CADPS: variants seen among roughly 807,000 people sequenced by gnomAD.
CADPS encodes the protein calcium-dependent secretion activator 1.
CADPS carries 57 observed loss-of-function variants against 167.3 expected under a neutral mutation model. The observed-to-expected ratio is 0.34, with a 90% CI of 0.28 to 0.42. The LOEUF (loss-of-function observed/expected upper bound fraction) is 0.42. CADPS is among the 20% of genes least tolerant of loss of function. The pLI is 1.00. For synonymous variants in CADPS, 676 were observed against 635.3 expected, an observed-to-expected ratio of 1.06 and a Z score of -0.96; for missense variants, 1,414 against 1,738.1, an observed-to-expected ratio of 0.81 and a Z score of 3.32.
intron 3 of CADPS, among the ~76,000 whole-genome samples, chr3:62,736,613 T>A (rs1277265677): frequency 1.3e-5 from 2 of 152,212 alleles, no homozygotes; most frequent in African/African-American, 4.8e-5. Flanking sequence ...AGGAAAGTGT[T>A]GAGTCATTAT....
intron 28 of CADPS, among the ~76,000 whole-genome samples, chr3:62,429,730 T>C (rs747373659): frequency 2.0e-5 from 3 of 152,028 alleles, no homozygotes; most frequent in Non-Finnish European, 4.4e-5. Flanking sequence ...ACCCCTGTTC[T>C]AAGACACAGA....
intron 1 of CADPS, among the ~76,000 whole-genome samples, chr3:62,792,570 G>C (rs535121601): frequency 2.0e-5 from 3 of 151,692 alleles, no homozygotes; most frequent in African/African-American, 7.3e-5. Context: ...ATGAAAGCTC[G>C]CATTATAATT....
At chr3:62,709,043 A>C (rs2082872425) in intron 3 of CADPS, among the ~76,000 whole-genome samples, 1 of 150,026 alleles carries the variant, frequency 6.7e-6, no homozygotes, top group Admixed American at 6.7e-5. Flanking sequence ...GAAGGTACTT[A>C]TAAGAGCCTA....
intron 6 of CADPS, among the ~76,000 whole-genome samples, chr3:62,617,576 C>A (rs556614008): frequency 1.2e-4 from 18 of 152,126 alleles, no homozygotes; most frequent in African/African-American, 4.3e-4. Flanking sequence ...CCAAAATGAA[C>A]AAGACATGTG....
chr3:62,833,734 G>T (rs2075477542), intron 1 of CADPS, among the ~76,000 whole-genome samples: 1 of 152,038 alleles, frequency 6.6e-6, no homozygotes, highest in Admixed American at 6.5e-5. Context: ...AGCTGGTGCT[G>T]AACCTGGGCT....
chr3:62,851,450 G>A (rs2078567049), intron 1 of CADPS, among the ~76,000 whole-genome samples: 1 of 148,982 alleles, frequency 6.7e-6, no homozygotes, highest in African/African-American at 2.5e-5. Context: ...TCCTTCAGGA[G>A]CTCTTTTAGG....
At chr3:62,464,695 A>G (rs1485812739) in intron 26 of CADPS, among the ~76,000 whole-genome samples, 5 of 152,228 alleles carry the variant, frequency 3.3e-5, no homozygotes, top group African/African-American at 1.2e-4. Flanking sequence ...GCAAATAATT[A>G]GATCATATGT....
At chr3:62,551,769 C>A (rs900957421) in intron 10 of CADPS, among the ~76,000 whole-genome samples, 1 of 152,146 alleles carries the variant, frequency 6.6e-6, no homozygotes, top group African/African-American at 2.4e-5. Flanking sequence ...ACCTCAGTAC[C>A]TTTGCAATTG....
chr3:62,818,789 AAGG>A (rs1267160635), intron 1 of CADPS, among the ~76,000 whole-genome samples: 2 of 152,206 alleles, frequency 1.3e-5, no homozygotes, highest in Non-Finnish European at 2.9e-5. Context: ...TGTCCATCAA[AAGG>A]AGAATAGATA....
chr3:62,429,977 C>T (rs747305826), intron 28 of CADPS, among the ~76,000 whole-genome samples: 43 of 152,158 alleles, frequency 2.8e-4, no homozygotes, highest in Non-Finnish European at 5.4e-4. Context: ...TAAGGTTTGC[C>T]TGAAGGTAAG....
intron 6 of CADPS, among the ~76,000 whole-genome samples, chr3:62,618,487 C>T (rs2062681237): frequency 6.6e-6 from 1 of 152,232 alleles, no homozygotes; most frequent in Non-Finnish European, 1.5e-5. Context: ...TGCACATGTT[C>T]CCTTTATAAT....
intron 1 of CADPS, among the ~76,000 whole-genome samples, chr3:62,842,909 C>T (rs1247567648): frequency 1.3e-5 from 2 of 152,132 alleles, no homozygotes; most frequent in Admixed American, 6.5e-5. Flanking sequence ...CCAAGGTTTT[C>T]CCTGAAGGTT....
intron 1 of CADPS, among the ~76,000 whole-genome samples, chr3:62,799,537 A>G (rs1252682392): frequency 6.6e-6 from 1 of 152,180 alleles, no homozygotes; most frequent in African/African-American, 2.4e-5. Flanking sequence ...CATTTTGTCA[A>G]GCAGCAAGAT....
chr3:62,783,180 G>A (rs578233528), intron 1 of CADPS, among the ~76,000 whole-genome samples: 2 of 152,160 alleles, frequency 1.3e-5, no homozygotes, highest in Non-Finnish European at 2.9e-5. Context: ...TAAGTCATCA[G>A]TCTGAGACCT....
rs11915831 is a variant in CADPS, at chr3:62,656,383, C to T, written c.970-5303G>A. 4.4e-3 allele frequency among the ~76,000 whole-genome samples: 664 copies of T among 152,250 alleles called. 3 individuals are homozygous for T. The highest frequency in any genetic ancestry group is 0.015 in the African/African-American group (635 of 41,550). ...TTCCAACAACCCACTGATGCACATG[C>T]TTCTATTTATCCCTATTTTTTGGAA... On this transcript the variant is annotated intron_variant, in intron 4 of 29. Transcript: ENST00000383710.
chr3:62,803,113 A>G (rs1027895814), intron 1 of CADPS, among the ~76,000 whole-genome samples: 1 of 152,072 alleles, frequency 6.6e-6, no homozygotes, highest in African/African-American at 2.4e-5. Context: ...GATGTGTTTT[A>G]ATGCATAGGA....
chr3:62,866,653 C>T (rs187405839), intron 1 of CADPS, among the ~76,000 whole-genome samples: 11 of 151,864 alleles, frequency 7.2e-5, no homozygotes, highest in Admixed American at 5.2e-4. Flanking sequence ...AAGGTGAGGA[C>T]GACATTTTGC....
At chr3:62,424,879 A>G (rs1452232913) in intron 28 of CADPS, among the ~76,000 whole-genome samples, 2 of 152,232 alleles carry the variant, frequency 1.3e-5, no homozygotes, top group African/African-American at 2.4e-5. Flanking sequence ...ACAAGATACT[A>G]TCAGGGCTAG....
chr3:62,674,694 G>T (rs2150880679), intron 3 of CADPS, among the ~76,000 whole-genome samples: 2 of 152,260 alleles, frequency 1.3e-5, no homozygotes, highest in Middle Eastern at 6.8e-3. Flanking sequence ...TACATTATTG[G>T]CATTTATCAA....
Sources: allele counts gnomAD v4.1 joint callset (sites outside exome capture counted in the v4.1 genomes callset), GRCh38; gene constraint gnomAD v4.1.1; transcripts MANE v1.5; gene names NCBI Gene and HGNC (gene_info 2026-07-23, HGNC 2026-07-21).